Variants in RORA observed in about 807,000 individuals in gnomAD.
The protein encoded by RORA is nuclear receptor ROR-alpha.
RORA carries 7 observed loss-of-function variants against 69.5 expected under a neutral mutation model. That is an observed-to-expected ratio of 0.10 (90% CI 0.06 to 0.19). The LOEUF (loss-of-function observed/expected upper bound fraction) is 0.19. Among genes scored for constraint, RORA ranks in the 10% least tolerant of loss-of-function variants. RORA has a pLI of 1.00. For missense variants in RORA, 457 were observed against 663.0 expected (o/e 0.69, Z 3.41); for synonymous variants, 261 against 240.8 (o/e 1.08, Z -0.78).
At chr15:60,938,649 A>C (rs376858078) in intron 1 of RORA, among the ~76,000 whole-genome samples, 32 of 152,330 alleles carry the variant, frequency 2.1e-4, no homozygotes, top group African/African-American at 6.7e-4. Context: ...ACTCACTTAA[A>C]CATTTTAAAT....
In RORA at chr15:60,993,124, T is replaced by A. The variant is rs150044112; in HGVS notation, c.166+235929A>T. On this transcript the variant is annotated intron_variant, in intron 1 of 10. Coordinates refer to ENST00000335670, the MANE Select transcript of RORA (RefSeq NM_134261.3). ...ATATTCTTATTATGTTAAGCTCAGCTCTTTCTTGGATAGTGGTAACATTTC... is the reference window on the plus strand; with the variant it reads ...ATATTCTTATTATGTTAAGCTCAGCACTTTCTTGGATAGTGGTAACATTTC... 3.8e-4 allele frequency among the ~76,000 whole-genome samples: 58 copies of A among 152,310 alleles called. No homozygotes were observed. In the East Asian group the frequency reaches 0.011, roughly 28 times the overall value.
At chr15:60,741,576 C>T (rs1489585386) in intron 1 of RORA, among the ~76,000 whole-genome samples, 1 of 152,160 alleles carries the variant, frequency 6.6e-6, no homozygotes, top group Non-Finnish European at 1.5e-5. Context: ...GCTGTTGGCT[C>T]CTCCCTGTCT....
chr15:60,554,488 C>T (rs1225498291), intron 2 of RORA, among the ~76,000 whole-genome samples: 2 of 152,162 alleles, frequency 1.3e-5, no homozygotes, highest in East Asian at 3.9e-4. Flanking sequence ...AACCAAGGCA[C>T]CATTTAAAAA....
chr15:60,502,524 C>G (rs1389937954), intron 8 of RORA, among the ~76,000 whole-genome samples: 1 of 152,078 alleles, frequency 6.6e-6, no homozygotes, highest in Non-Finnish European at 1.5e-5. Flanking sequence ...ATATAAATCC[C>G]TTTGATTACC....
intron 1 of RORA, among the ~76,000 whole-genome samples, chr15:60,896,568 C>A (rs1431680689): frequency 6.6e-6 from 1 of 152,060 alleles, no homozygotes; most frequent in African/African-American, 2.4e-5. Flanking sequence ...ATCAGAAATC[C>A]CAACCCCAAA....
At chr15:61,096,587 C>T (rs1595981775) in intron 1 of RORA, among the ~76,000 whole-genome samples, 1 of 152,110 alleles carries the variant, frequency 6.6e-6, no homozygotes, top group Non-Finnish European at 1.5e-5. Context: ...GTTATAATCC[C>T]CATTTCAGAG....
chr15:60,919,459 G>C (rs1204144874), intron 1 of RORA, among the ~76,000 whole-genome samples: 1 of 152,214 alleles, frequency 6.6e-6, no homozygotes, highest in Non-Finnish European at 1.5e-5. Context: ...CATGAGGGAG[G>C]AGTTGTTGAT....
rs200629924 is a variant in RORA, at chr15:60,558,253, C to T, written c.197-26402G>A. The T allele has an allele frequency of 1.2e-6, 2 of 1,612,134 alleles. No individual in the cohort carries two copies. Among genetic ancestry groups the T allele is most frequent in the Non-Finnish European group, 1.7e-6 (2 of 1,179,632 alleles). On this transcript the variant is annotated intron_variant, in intron 2 of 10. Coordinates refer to ENST00000335670, the MANE Select transcript of RORA (RefSeq NM_134261.3). ...GACGCCAGTAAGAACAAAAGCATCACCTGAAGACAGGATACACTGATGGAG... is the reference window on the plus strand; with the variant it reads ...GACGCCAGTAAGAACAAAAGCATCATCTGAAGACAGGATACACTGATGGAG...
chr15:61,121,705 C>T (rs558799047), intron 1 of RORA, among the ~76,000 whole-genome samples: 12 of 151,902 alleles, frequency 7.9e-5, no homozygotes, highest in Admixed American at 3.9e-4. Flanking sequence ...GAGCAGGTAA[C>T]GAAGCTCATA....
At chr15:60,859,813 A>G (rs1418470057) in intron 1 of RORA, among the ~76,000 whole-genome samples, 1 of 152,076 alleles carries the variant, frequency 6.6e-6, no homozygotes, top group Non-Finnish European at 1.5e-5. Context: ...AATTTACCCG[A>G]TGAAATCCAG....
chr15:60,549,059 T>C (rs1052245064), intron 2 of RORA, among the ~76,000 whole-genome samples: 3 of 152,238 alleles, frequency 2.0e-5, no homozygotes, highest in African/African-American at 7.2e-5. Flanking sequence ...GCATTCTCGA[T>C]ATGTTCTATG....
intron 1 of RORA, among the ~76,000 whole-genome samples, chr15:60,880,714 C>T (rs1395512407): frequency 6.6e-6 from 1 of 152,128 alleles, no homozygotes; most frequent in African/African-American, 2.4e-5. Flanking sequence ...TTGTTGTAGG[C>T]CAGCTCAAAG....
rs1231954833 is a variant in RORA at position 61,128,491 on chromosome 15, TA to T, written c.166+100561del. On this transcript the variant is annotated intron_variant, in intron 1 of 10. Transcript: ENST00000335670. The surrounding 1 kb of genome is among the most constrained non-coding windows in gnomAD (Gnocchi z 4.5). ...TTCCCTGGGCATCCACACAAATGAA[TA>T]TAATTACAGATACCATGAGCACAGA... Among the ~76,000 whole-genome samples the T allele has an allele frequency of 3.3e-5, 5 of 152,116 alleles. No homozygotes were observed.
chr15:60,776,987 G>T (rs562082374), intron 1 of RORA, among the ~76,000 whole-genome samples: 4 of 152,168 alleles, frequency 2.6e-5, no homozygotes, highest in South Asian at 2.1e-4. Flanking sequence ...ATGAGTATTT[G>T]TCTGTTTATC....
intron 1 of RORA, among the ~76,000 whole-genome samples, chr15:61,068,791 T>C (rs2078299482): frequency 1.3e-5 from 2 of 152,252 alleles, no homozygotes; most frequent in African/African-American, 4.8e-5. Flanking sequence ...CCCAATAAAA[T>C]AGCAAAAATT....
intron 1 of RORA, among the ~76,000 whole-genome samples, chr15:60,774,844 A>G (rs984857801): frequency 1.3e-5 from 2 of 152,220 alleles, no homozygotes; most frequent in Non-Finnish European, 2.9e-5. Flanking sequence ...CAGCATAACC[A>G]TGTTCCTTAG....
chr15:60,575,634 C>T (rs1360121792), intron 2 of RORA, among the ~76,000 whole-genome samples: 2 of 151,964 alleles, frequency 1.3e-5, no homozygotes, highest in African/African-American at 2.4e-5. Context: ...TAAATGTAAG[C>T]TTTATGAATT....
At chr15:60,792,702 G>C (rs1261816529) in intron 1 of RORA, among the ~76,000 whole-genome samples, 2 of 152,152 alleles carry the variant, frequency 1.3e-5, no homozygotes, top group Admixed American at 6.5e-5. Context: ...GGAATAAAGA[G>C]AAAATAAAGT....
At chr15:60,694,497 A>T (rs144434469) in intron 1 of RORA, among the ~76,000 whole-genome samples, 2 of 152,288 alleles carry the variant, frequency 1.3e-5, no homozygotes, top group African/African-American at 4.8e-5. Context: ...TACAGTTTGG[A>T]TTTGACAAAT....
Sources: allele counts gnomAD v4.1 joint callset (sites outside exome capture counted in the v4.1 genomes callset), GRCh38; gene constraint gnomAD v4.1.1; non-coding constraint Gnocchi (gnomAD v3.1); transcripts MANE v1.5; gene names NCBI Gene and HGNC (gene_info 2026-07-23, HGNC 2026-07-21).